CCDC40: variants seen among roughly 807,000 people sequenced by gnomAD.
CCDC40 encodes coiled-coil domain 40 molecular ruler complex subunit.
Under a neutral mutation model 124.5 loss-of-function variants are expected in CCDC40, and 104 were observed. The observed-to-expected ratio is 0.84, with a 90% confidence interval of 0.71 to 0.98. The LOEUF (loss-of-function observed/expected upper bound fraction) is 0.98, where lower values mean the gene tolerates loss of function less well. Among genes scored for constraint, CCDC40 ranks in the 50% least tolerant of loss-of-function variants. The probability of loss-of-function intolerance (pLI) is 0.00; values close to 1 mark genes in which losing one functional copy is unlikely to be tolerated. For missense variants in CCDC40, 1,463 were observed against 1,503.9 expected, an observed-to-expected ratio of 0.97 and a Z score of 0.45; for synonymous variants, 580 against 602.9, an observed-to-expected ratio of 0.96 and a Z score of 0.56.
intron 3 of CCDC40, chr17:80,040,559 A>C: frequency 2.4e-6 from 1 of 417,360 alleles, no homozygotes; most frequent in Non-Finnish European, 4.4e-6. Context: ...CACGCCTGTA[A>C]TCCCAGCTAC....
rs372730055 is a variant in CCDC40 at position 80,038,108 on chromosome 17, T to C, written c.30-15T>C. The C allele has an allele frequency of 1.9e-6, 3 of 1,589,280 alleles. No homozygotes were observed. The highest frequency in any genetic ancestry group is 2.6e-6 in the Non-Finnish European group (3 of 1,158,456). On this transcript the variant is annotated splice_polypyrimidine_tract_variant and intron_variant, in intron 1 of 19. Coordinates refer to ENST00000397545, the MANE Select transcript of CCDC40 (RefSeq NM_017950.4). ...GCTGTTGCTTGAAACTGTTCAATTG[T>C]TTCTCTAAAACCAGGTCCCATCCGG...
At position 80,058,368 on chromosome 17, in the gene CCDC40, C is replaced by A; in HGVS notation, c.1160-126C>A. 1 of 788,362 alleles carries A rather than the reference C, an allele frequency of 1.3e-6. No individual in the cohort carries two copies. The highest frequency in any genetic ancestry group is 2.1e-6 in the Non-Finnish European group (1 of 470,268). 48.8% of individuals were successfully genotyped at this position (788,362 alleles called of 1,614,324 possible). On this transcript the variant is annotated intron_variant, in intron 7 of 19. Transcript: ENST00000397545. The surrounding 1 kb of genome is among the most constrained non-coding windows in gnomAD (Gnocchi z 4.2). The stretch of plus-strand genomic sequence containing the variant: ...TTTAAAAGCAGTTTCCCAGTCTTAC[C>A]CAAAAATGGCAGGAAGGGTGCCCAG...
At chr17:80,081,014 A>G (rs1281058375) in intron 10 of CCDC40, among the ~76,000 whole-genome samples, 2 of 152,184 alleles carry the variant, frequency 1.3e-5, no homozygotes, top group South Asian at 2.1e-4. Flanking sequence ...GCTTGTGTCA[A>G]AATATCGCAT....
At chr17:80,063,059 G>A (rs1261621377) in intron 9 of CCDC40, among the ~76,000 whole-genome samples, 1 of 152,142 alleles carries the variant, frequency 6.6e-6, no homozygotes, top group Non-Finnish European at 1.5e-5. Context: ...GCCAGGCGTG[G>A]TGGCGAGTGC....
At chr17:80,079,386 C>T (rs572314624) in intron 10 of CCDC40, among the ~76,000 whole-genome samples, 5 of 152,122 alleles carry the variant, frequency 3.3e-5, no homozygotes, top group South Asian at 4.1e-4. Flanking sequence ...AAAAATCACC[C>T]GCGGCCGCTT....
rs1231391653 is a variant in CCDC40, at chr17:80,057,382, C to T, written c.1160-1112C>T. Among the ~76,000 whole-genome samples, 12 of 152,184 alleles carry T rather than the reference C, an allele frequency of 7.9e-5. No homozygotes were observed. In the East Asian group the frequency reaches 1.8e-3, roughly 23 times the overall value. On this transcript the variant is annotated intron_variant, in intron 7 of 19. Transcript: ENST00000397545. ...GGGTTACAGGCGTGAGCCACCACAC[C>T]CAGCCAAAATGGCTTTGCAAGTTTA...
At chr17:80,090,221 C>T (rs1412979538) in intron 17 of CCDC40, 7 of 881,598 alleles carry the variant, frequency 7.9e-6, no homozygotes, top group African/African-American at 3.7e-5. Context: ...ACGAAGAACA[C>T]GGGACGCGCG....
At chr17:80,068,814 T>C (rs2038115538) in intron 10 of CCDC40, among the ~76,000 whole-genome samples, 1 of 152,086 alleles carries the variant, frequency 6.6e-6, no homozygotes, top group African/African-American at 2.4e-5. Context: ...TTTATGTGCA[T>C]GATGAAATAT....
chr17:80,042,778 A>G (rs2037315719), intron 3 of CCDC40, among the ~76,000 whole-genome samples: 1 of 151,888 alleles, frequency 6.6e-6, no homozygotes, highest in African/African-American at 2.4e-5. Context: ...GTAAAGTGCC[A>G]TGTTTGCTGT....
At chr17:80,076,363 C>T (rs1048475592) in intron 10 of CCDC40, among the ~76,000 whole-genome samples, 3 of 152,052 alleles carry the variant, frequency 2.0e-5, no homozygotes, top group Non-Finnish European at 2.9e-5. Flanking sequence ...GACCTGAGCT[C>T]AGGAGTTTGA....
rs759098835 is a variant in CCDC40 at position 80,099,604 on chromosome 17, G to A, written c.3258G>A (p.Leu1086=). The A allele has an allele frequency of 1.2e-6, 2 of 1,613,782 alleles. No individual in the cohort carries two copies. Among genetic ancestry groups the A allele is most frequent in the African/African-American group, 2.7e-5 (2 of 75,058 alleles). Residue 1086 remains leucine, a synonymous_variant, in exon 20 of 20, where the codon CTG becomes CTA. Transcript: ENST00000397545. ...QAVKEGRYVF[L]FRSKQSLVLE... is the part of the protein sequence containing the mutation. Reference sequence around the variant, plus strand: ...TGAAGGAGGGGCGCTACGTGTTCCTGTTCCGCTCCAAGCAGTCCCTAGTGC... The same window carrying A: ...TGAAGGAGGGGCGCTACGTGTTCCTATTCCGCTCCAAGCAGTCCCTAGTGC...
In CCDC40 at chr17:80,086,499, A is replaced by C; in HGVS notation, c.2449+283A>C. The C allele has an allele frequency of 2.4e-6, 1 of 409,048 alleles. No homozygotes were observed. The highest frequency in any genetic ancestry group is 4.6e-6 in the Non-Finnish European group (1 of 216,896). 25.3% of individuals were successfully genotyped at this position (409,048 alleles called of 1,614,324 possible). On this transcript the variant is annotated intron_variant, in intron 14 of 19. Coordinates refer to ENST00000397545, the MANE Select transcript of CCDC40 (RefSeq NM_017950.4). This position sits in a 1 kb window ranked among gnomAD's most constrained non-coding sequence, Gnocchi z 5.5. ...TGAGAGAGGAGCATGGAAGGTTATC[A>C]TCCCCGCCAAGCCAGGGCACTCAGG...
chr17:80,083,813 G>A (rs544957149), intron 12 of CCDC40, among the ~76,000 whole-genome samples: 41 of 152,246 alleles, frequency 2.7e-4, no homozygotes, highest in Non-Finnish European at 5.7e-4. Flanking sequence ...GGGTCAGAAC[G>A]CATGGAGGAA....
chr17:80,052,418 C>T (rs759973206), intron 7 of CCDC40, among the ~76,000 whole-genome samples: 1 of 152,192 alleles, frequency 6.6e-6, no homozygotes, highest in Non-Finnish European at 1.5e-5. Context: ...GCCGCACTGT[C>T]AGCTGATGAG....
intron 3 of CCDC40, among the ~76,000 whole-genome samples, chr17:80,044,450 G>A (rs1485201375): frequency 2.0e-5 from 3 of 152,118 alleles, no homozygotes; most frequent in African/African-American, 7.2e-5. Flanking sequence ...TTGGGAGGCC[G>A]ATGCAGGCGG....
intron 10 of CCDC40, among the ~76,000 whole-genome samples, chr17:80,076,995 C>CT (rs2038325477): frequency 1.3e-5 from 2 of 152,070 alleles, no homozygotes; most frequent in African/African-American, 2.4e-5. Context: ...CTCAGCCTCT[C>CT]TAAGTGCTGG....
chr17:80,089,964 C>T (rs1233620676), intron 17 of CCDC40, 80 bp downstream of exon 17: 6 of 1,572,586 alleles, frequency 3.8e-6, no homozygotes, highest in Non-Finnish European at 5.2e-6. Context: ...ACCAAGGCCT[C>T]GGCTCTCCCG....
intron 10 of CCDC40, chr17:80,067,734 A>G: frequency 6.6e-7 from 1 of 1,519,404 alleles, no homozygotes; most frequent in Non-Finnish European, 8.8e-7. Context: ...CAAGCCCGGA[A>G]TGTCTGGGTC....
rs764448400 is a variant in CCDC40, at chr17:80,081,639, G to A, written c.1656G>A (p.Ala552=). 16 of 1,614,040 alleles carry A rather than the reference G, an allele frequency of 9.9e-6. No homozygotes were observed. The highest frequency in any genetic ancestry group is 4.4e-5 in the South Asian group (4 of 91,084). ...AGGAAGAAAAGAACGAGAAGCTGGC[G>A]AGCATCCTGAACCGGACAGAGACGG... ...MKEEEKNEKL[A]SILNRTETEA... is the part of the protein sequence containing the mutation. Residue 552 remains alanine, a synonymous_variant, in exon 11 of 20, where the codon GCG becomes GCA. Transcript: ENST00000397545.
Sources: allele counts gnomAD v4.1 joint callset (sites outside exome capture counted in the v4.1 genomes callset), GRCh38; gene constraint gnomAD v4.1.1; non-coding constraint Gnocchi (gnomAD v3.1); transcripts MANE v1.5; gene names NCBI Gene and HGNC (gene_info 2026-07-23, HGNC 2026-07-21).